The following SMAD2 variants were observed in gnomAD, a reference collection of about 807,000 sequenced individuals.
SMAD2 encodes MAD homolog 2.
Under a neutral mutation model 64.4 loss-of-function variants are expected in SMAD2, and 8 were observed. The observed-to-expected ratio is 0.12, with a 90% CI of 0.07 to 0.22. The LOEUF is 0.22. SMAD2 is among the 10% of genes least tolerant of loss of function. The pLI is 1.00. For synonymous variants in SMAD2, 203 were observed against 195.8 expected, an observed-to-expected ratio of 1.04 and a Z score of -0.31; for missense variants, 289 against 561.2, an observed-to-expected ratio of 0.51 and a Z score of 4.90.
At chr18:47,915,633 T>C in intron 1 of SMAD2, among the ~76,000 whole-genome samples, 1 of 152,194 alleles carries the variant, frequency 6.6e-6, no homozygotes, top group East Asian at 1.9e-4. Context: ...ACACACACTT[T>C]GCTAAAAAAG....
chr18:47,843,318 G>A (rs1914155748), intron 10 of SMAD2, among the ~76,000 whole-genome samples: 1 of 152,102 alleles, frequency 6.6e-6, no homozygotes, highest in Non-Finnish European at 1.5e-5. Context: ...GTTTCCCCAA[G>A]GGTGTCAGTT....
Position 47,817,993 on chromosome 18 carries a change from G to T in SMAD2, c.*23834C>A, listed in dbSNP as rs1912429261. On this transcript the variant is annotated 3_prime_UTR_variant, in exon 11 of 11. Transcript: ENST00000262160. ...GCATGCCTGCTTTTCTGGGACTTCA[G>T]GTCAGCTATGTGGCTTTTCCTCATG... is the stretch of plus-strand genomic sequence containing the variant. The T allele has an allele frequency of 6.6e-6, 1 of 152,180 alleles. No individual in the cohort carries two copies. Among genetic ancestry groups the T allele is most frequent in the Non-Finnish European group, 1.5e-5 (1 of 68,036 alleles). The allele number at this position is 152,180 out of a possible 1,614,324, so 9.4% of individuals were successfully genotyped here.
chr18:47,856,762 C>T (rs2144336373), intron 6 of SMAD2, among the ~76,000 whole-genome samples: 1 of 151,400 alleles, frequency 6.6e-6, no homozygotes, highest in African/African-American at 2.4e-5. Context: ...TTTTTAATTT[C>T]TGGTAAAAGT....
chr18:47,847,982 A>G (rs1416557451), intron 8 of SMAD2, among the ~76,000 whole-genome samples: 2 of 152,132 alleles, frequency 1.3e-5, no homozygotes, highest in African/African-American at 4.8e-5. Flanking sequence ...TCCCTGAATT[A>G]TATTTTGAAC....
intron 1 of SMAD2, among the ~76,000 whole-genome samples, chr18:47,900,032 A>G (rs1426908995): frequency 6.6e-6 from 1 of 152,162 alleles, no homozygotes; most frequent in East Asian, 1.9e-4. Context: ...CAGCTGTAAA[A>G]TAAGGATAAC....
intron 1 of SMAD2, among the ~76,000 whole-genome samples, chr18:47,908,124 G>T (rs769186359): frequency 2.6e-5 from 4 of 152,220 alleles, no homozygotes; most frequent in Non-Finnish European, 5.9e-5. Flanking sequence ...AATTTCAGAA[G>T]GGAGGAGGTT....
intron 2 of SMAD2, among the ~76,000 whole-genome samples, chr18:47,886,570 C>CTATCT (rs2032911592): frequency 1.4e-5 from 2 of 146,704 alleles, no homozygotes; most frequent in African/African-American, 2.6e-5. Context: ...TATATCTATC[C>CTATCT]ATCTATCTAT....
At chr18:47,844,351 A>G (rs964616696) in intron 10 of SMAD2, among the ~76,000 whole-genome samples, 1 of 152,210 alleles carries the variant, frequency 6.6e-6, no homozygotes, top group African/African-American at 2.4e-5. Flanking sequence ...TACAATCACT[A>G]TATTACATGA....
At chr18:47,923,052 C>T (rs1044805540) in intron 1 of SMAD2, among the ~76,000 whole-genome samples, 4 of 95,260 alleles carry the variant, frequency 4.2e-5, no homozygotes, top group South Asian at 3.7e-4. Context: ...AAAGAGACTA[C>T]TTATTTTTTT....
chr18:47,885,194 C>A (rs1226092281), intron 2 of SMAD2, among the ~76,000 whole-genome samples: 2 of 151,204 alleles, frequency 1.3e-5, no homozygotes, highest in Non-Finnish European at 3.0e-5. Context: ...TATACCCTCC[C>A]CCCCCAAGAC....
intron 1 of SMAD2, among the ~76,000 whole-genome samples, chr18:47,898,999 G>T (rs77881640): frequency 6.6e-6 from 1 of 152,100 alleles, no homozygotes; most frequent in African/African-American, 2.4e-5. Flanking sequence ...TAGGACAAAA[G>T]AAATCCTTTG....
chr18:47,877,934 C>G (rs1481314915), intron 2 of SMAD2, among the ~76,000 whole-genome samples: 3 of 152,118 alleles, frequency 2.0e-5, no homozygotes, highest in African/African-American at 7.2e-5. Context: ...CATAATTGGG[C>G]AGTAATTAAA....
intron 2 of SMAD2, among the ~76,000 whole-genome samples, chr18:47,887,524 T>C (rs138664136): frequency 7.2e-4 from 109 of 152,310 alleles, no homozygotes; most frequent in African/African-American, 2.5e-3. Flanking sequence ...CTCAGGCTTG[T>C]CTGCTTGGAT....
chr18:47,897,776 T>C (rs1300622062), intron 1 of SMAD2, among the ~76,000 whole-genome samples: 4 of 152,304 alleles, frequency 2.6e-5, no homozygotes, highest in Non-Finnish European at 5.9e-5. Flanking sequence ...TCCTGATCCT[T>C]TAATTGGGGT....
At chr18:47,867,805 A>T (rs2031672944) in intron 5 of SMAD2, among the ~76,000 whole-genome samples, 1 of 152,196 alleles carries the variant, frequency 6.6e-6, no homozygotes, top group Admixed American at 6.5e-5. Context: ...TGCAGACGAA[A>T]CATAATTAAA....
chr18:47,901,288 A>G (rs2033675022), intron 1 of SMAD2, among the ~76,000 whole-genome samples: 2 of 152,176 alleles, frequency 1.3e-5, no homozygotes, highest in Admixed American at 6.5e-5. Flanking sequence ...TGTTTATTGT[A>G]TTAAAGTCTC....
intron 5 of SMAD2, 128 bp from the exon 6 acceptor site, chr18:47,865,261 G>A (rs1193864967): frequency 3.5e-5 from 22 of 622,248 alleles, no homozygotes; most frequent in Non-Finnish European, 5.1e-5. Flanking sequence ...ATTATAAAAA[G>A]TAATATTGCA....
At chr18:47,888,956 T>G (rs1401675392) in intron 2 of SMAD2, among the ~76,000 whole-genome samples, 1 of 152,054 alleles carries the variant, frequency 6.6e-6, no homozygotes, top group Non-Finnish European at 1.5e-5. Flanking sequence ...TTCAACAGAT[T>G]TGGGGTCTAT....
chr18:47,886,581 CTATCTATCT>C (rs1568084042), intron 2 of SMAD2, among the ~76,000 whole-genome samples: 2 of 146,812 alleles, frequency 1.4e-5, no homozygotes, highest in African/African-American at 5.0e-5. Context: ...ATCTATCTAT[CTATCTATCT>C]ATCTATCTAT....
Sources: gnomAD v4.1 joint callset for allele counts (sites outside exome capture counted in the v4.1 genomes callset) on GRCh38, gnomAD v4.1.1 for gene constraint, MANE v1.5 for transcripts, NCBI Gene and HGNC (gene_info 2026-07-23, HGNC 2026-07-21) for gene names.